The following NOS3 variants were observed in gnomAD, a reference collection of about 807,000 sequenced individuals.
NOS3 encodes the protein NOS type III.
In NOS3, 98 loss-of-function variants were observed where a neutral mutation model predicts 144.9. That is an observed-to-expected ratio of 0.68 (90% CI 0.57 to 0.80). The LOEUF (loss-of-function observed/expected upper bound fraction) is 0.80, where lower values mean the gene tolerates loss of function less well. Ranked by LOEUF, NOS3 falls within the 30% of genes least tolerant of loss-of-function variation. NOS3 has a pLI of 0.00. For synonymous variants in NOS3, 714 were observed against 702.4 expected (o/e 1.02, Z -0.26); for missense variants, 1,465 against 1,656.4 (o/e 0.88, Z 2.01).
rs760803617 is a variant in NOS3, at chr7:150,996,929, C to G, written c.582+4C>G. 5.8e-6 allele frequency: 9 copies of G among 1,558,476 alleles called. No individual in the cohort carries two copies. Among genetic ancestry groups the G allele is most frequent in the Non-Finnish European group, 7.8e-6 (9 of 1,152,216 alleles). On this transcript the variant is annotated splice_donor_region_variant and intron_variant, in intron 5 of 26. Transcript: ENST00000297494. Reference sequence around the variant, plus strand: ...GATCCAGTGGGGGAAGCTGCAGGTGCGGCTGGCCAGCGACTGAGAGACCCG... The same window carrying G: ...GATCCAGTGGGGGAAGCTGCAGGTGGGGCTGGCCAGCGACTGAGAGACCCG...
chr7:150,995,430 A>G (rs551361862), intron 3 of NOS3, 116 bp downstream of exon 3: 4 of 666,618 alleles, frequency 6.0e-6, no homozygotes, highest in South Asian at 4.0e-5. Flanking sequence ...CCTTGTTTCC[A>G]AAAAGAGGAG....
At chr7:151,013,431 G>A (rs774208144) in intron 25 of NOS3, 52 bp downstream of exon 25, 5 of 1,563,784 alleles carry the variant, frequency 3.2e-6, no homozygotes, top group Non-Finnish European at 4.3e-6. Flanking sequence ...AGAGAGGGGA[G>A]GACTCGCGCT....
chr7:151,001,711 G>C (rs976296988), intron 12 of NOS3, 94 bp downstream of exon 12: 3 of 1,575,862 alleles, frequency 1.9e-6, no homozygotes, highest in African/African-American at 1.4e-5. Flanking sequence ...GCAGTGTTCT[G>C]GGCCTACCAC....
Position 151,003,562 on chromosome 7 carries a change from G to A in NOS3, c.1752+1258G>A. 1 of 1,299,396 alleles carries A rather than the reference G, an allele frequency of 7.7e-7. No individual in the cohort carries two copies. Among genetic ancestry groups the A allele is most frequent in the Non-Finnish European group, 1.0e-6 (1 of 984,868 alleles). The allele number at this position is 1,299,396 out of a possible 1,614,324, so 80.5% of individuals were successfully genotyped here. A position where few individuals can be genotyped will look rare whatever the true frequency, so the allele number is the denominator to read the frequency against. On this transcript the variant is annotated intron_variant, in intron 14 of 26. Transcript: ENST00000297494. This position sits in a 1 kb window ranked among gnomAD's most constrained non-coding sequence, Gnocchi z 4.1. ...CTTTTTTTTAGCATAAAGGTGTATA[G>A]ACACCCATATAACCTACAGCCTTCA... is the stretch of plus-strand genomic sequence containing the variant.
intron 10 of NOS3, 111 bp from the exon 11 acceptor site, chr7:151,001,120 A>G (rs1259273227): frequency 2.0e-6 from 2 of 1,021,844 alleles, no homozygotes; most frequent in Non-Finnish European, 3.0e-6. Context: ...GGTGTGTTAG[A>G]TATGGGGTAA....
intron 22 of NOS3, 43 bp downstream of exon 22, chr7:151,010,850 G>T: frequency 6.2e-7 from 1 of 1,607,484 alleles, no homozygotes; most frequent in Non-Finnish European, 8.5e-7. Flanking sequence ...AGCAGGGTTG[G>T]GACCGGCCCC....
chr7:150,999,189 G>C lies in NOS3; in HGVS notation c.957-1G>C. On this transcript the variant is annotated splice_acceptor_variant, in intron 8 of 26. Transcript: ENST00000297494. LOFTEE classifies it high-confidence loss of function. ...CTGATCCCACACCCCAACACCCCCAGGCTGGAGTGGTTTGCAGCCCTGGGC... is the reference window on the plus strand; with the variant it reads ...CTGATCCCACACCCCAACACCCCCACGCTGGAGTGGTTTGCAGCCCTGGGC... 1 of 1,609,404 alleles carries C rather than the reference G, an allele frequency of 6.2e-7. No homozygotes were observed.
At position 150,996,469 on chromosome 7, in the gene NOS3, G is replaced by T; in HGVS notation, c.336G>T (p.Arg112=). 1 of 1,591,488 alleles carries T rather than the reference G, an allele frequency of 6.3e-7. No homozygotes were observed. Among genetic ancestry groups the T allele is most frequent in the Non-Finnish European group, 8.5e-7 (1 of 1,170,700 alleles). Residue 112 remains arginine (R), a synonymous_variant, in exon 4 of 27, where the codon CGG becomes CGT. Transcript: ENST00000297494. ...TATTTCCACGGAAACTACAGGGCCG[G>T]CCCTCCCCCGGCCCCCCGGCCCCTG... ...SLVFPRKLQG[R]PSPGPPAPEQ... is the part of the protein sequence containing the mutation.
In NOS3 at chr7:151,008,929, G is replaced by T; in HGVS notation, c.2113-1G>T. 6.2e-7 allele frequency: 1 copy of T among 1,607,344 alleles called. No individual in the cohort carries two copies. Among genetic ancestry groups the T allele is most frequent in the South Asian group, 1.1e-5 (1 of 89,938 alleles). ...TCAGCCCTCACCGGCCTGTCCCGCA[G>T]GCCGCCTGTGAGACCTTCTGTGTGG... On this transcript the variant is annotated splice_acceptor_variant, in intron 17 of 26. Transcript: ENST00000297494. LOFTEE classifies it high-confidence loss of function.
Position 151,009,428 on chromosome 7 carries a change from C to G in NOS3, c.2355C>G (p.Thr785=), listed in dbSNP as rs779498246. 62 of 1,546,768 alleles carry G rather than the reference C, an allele frequency of 4.0e-5. No individual in the cohort carries two copies. Among genetic ancestry groups the G allele is most frequent in the Non-Finnish European group, 5.3e-5 (61 of 1,145,162 alleles). ...TRATILVRLD[T]GGQEGLQYQP... is the part of the protein sequence containing the mutation. ...CCACCATCCTGGTGCGCCTGGACAC[C>G]GGAGGCCAGGAGGGGCTGCAGTACC... The change falls in exon 20 of 27, where the codon ACC becomes ACG. Residue 785 remains threonine (T), a synonymous_variant. Transcript: ENST00000297494.
chr7:150,995,141 C>A, intron 2 of NOS3, 62 bp from the exon 3 acceptor site: 1 of 947,856 alleles, frequency 1.1e-6, no homozygotes, highest in Non-Finnish European at 1.7e-6. Context: ...CTCCGGGTGA[C>A]ATCTGGGAAG....
intron 9 of NOS3, 111 bp downstream of exon 9, chr7:150,999,475 G>A: frequency 8.2e-7 from 1 of 1,215,366 alleles, no homozygotes; most frequent in East Asian, 2.4e-5. Context: ...GCAGGTCCAG[G>A]GTTGCCTCCT....
At position 151,009,416 on chromosome 7, in the gene NOS3, G is replaced by A. The variant is rs1795258683; in HGVS notation, c.2343G>A (p.Val781=). Residue 781 remains valine, a synonymous_variant, in exon 20 of 27, where the codon GTG becomes GTA. Coordinates refer to ENST00000297494, the MANE Select transcript of NOS3 (RefSeq NM_000603.5). ...CCCCCAGGAGGGCCACCATCCTGGT[G>A]CGCCTGGACACCGGAGGCCAGGAGG... is the stretch of plus-strand genomic sequence containing the variant. ...SSKSTRATIL[V]RLDTGGQEGL... 1 of 1,539,658 alleles carries A rather than the reference G, an allele frequency of 6.5e-7. No individual in the cohort carries two copies. Among genetic ancestry groups the A allele is most frequent in the Non-Finnish European group, 8.8e-7 (1 of 1,141,866 alleles).
chr7:150,994,878 C>T (rs923516694), intron 2 of NOS3, among the ~76,000 whole-genome samples: 2 of 152,204 alleles, frequency 1.3e-5, no homozygotes, highest in Admixed American at 1.3e-4. Context: ...CTCTGTCCCC[C>T]TCAGGGTAGG....
intron 9 of NOS3, among the ~76,000 whole-genome samples, chr7:150,999,979 C>G (rs1448559781): frequency 1.3e-5 from 1 of 74,774 alleles, no homozygotes; most frequent in East Asian, 4.2e-4. Context: ...TAGGGGTAGG[C>G]GAGTGTGGGT....
At chr7:151,006,815 C>G (rs926092073) in intron 15 of NOS3, 74 bp from the exon 16 acceptor site, 1 of 1,215,472 alleles carries the variant, frequency 8.2e-7, no homozygotes, top group Non-Finnish European at 1.2e-6. Context: ...TGAAGCCGTC[C>G]CTGGGGCTGG....
intron 14 of NOS3, among the ~76,000 whole-genome samples, chr7:151,004,860 GTT>G (rs147104368): frequency 1.3e-5 from 2 of 151,376 alleles, no homozygotes; most frequent in Admixed American, 6.6e-5. Context: ...TTGTTTGTTT[GTT>G]TGTTTTTGTT....
chr7:151,014,426 C>T lies in NOS3; in HGVS notation c.*257C>T. The stretch of plus-strand genomic sequence containing the variant: ...AGCGGTACCCCAGGGCCTACTGCCA[C>T]CCGCTTCCTGTTTCTTAGTCGAATG... On this transcript the variant is annotated 3_prime_UTR_variant, in exon 27 of 27. Coordinates refer to ENST00000297494, the MANE Select transcript of NOS3 (RefSeq NM_000603.5). The T allele has an allele frequency of 2.1e-6, 1 of 469,880 alleles. No individual in the cohort carries two copies. The highest frequency in any genetic ancestry group is 3.8e-5 in the Admixed American group (1 of 26,496). 29.1% of individuals were successfully genotyped at this position (469,880 alleles called of 1,614,324 possible).
intron 1 of NOS3, among the ~76,000 whole-genome samples, chr7:150,991,526 G>T (rs1383188232): frequency 6.6e-6 from 1 of 152,104 alleles, no homozygotes; most frequent in Non-Finnish European, 1.5e-5. Context: ...GAAAATGAGG[G>T]CCAGGCCAAT....
Sources: gnomAD v4.1 joint callset for allele counts (sites outside exome capture counted in the v4.1 genomes callset) on GRCh38, gnomAD v4.1.1 for gene constraint, Gnocchi (gnomAD v3.1) non-coding constraint, MANE v1.5 for transcripts, NCBI Gene and HGNC (gene_info 2026-07-23, HGNC 2026-07-21) for gene names.